Variants in CEP112 observed in about 807,000 individuals in gnomAD.
The protein encoded by CEP112 is centrosomal protein 112, also known as centrosomal protein of 112 kDa.
In CEP112, 127 loss-of-function variants were observed where a neutral mutation model predicts 153.0. The observed-to-expected ratio is 0.83, with a 90% CI of 0.72 to 0.96. CEP112 has a LOEUF of 0.96. Ranked by LOEUF, CEP112 falls within the 40% of genes least tolerant of loss-of-function variation. The pLI is 0.00. For synonymous variants in CEP112, 358 were observed against 374.4 expected, an observed-to-expected ratio of 0.96 and a Z score of 0.51; for missense variants, 1,089 against 1,101.2, an observed-to-expected ratio of 0.99 and a Z score of 0.16.
chr17:65,699,331 G>C (rs771337284), intron 23 of CEP112, among the ~76,000 whole-genome samples: 5 of 152,042 alleles, frequency 3.3e-5, no homozygotes, highest in Admixed American at 6.6e-5. Context: ...AACAGTTGGG[G>C]TACTCCCATT....
chr17:65,915,016 C>T (rs953443386), intron 19 of CEP112, among the ~76,000 whole-genome samples: 1 of 152,146 alleles, frequency 6.6e-6, no homozygotes, highest in Non-Finnish European at 1.5e-5. Context: ...AGTGGTTACT[C>T]ACTTCCTCCT....
At chr17:65,971,622 TC>T (rs1214118202) in intron 17 of CEP112, among the ~76,000 whole-genome samples, 48 of 152,214 alleles carry the variant, frequency 3.2e-4, no homozygotes, top group African/African-American at 1.0e-3. Context: ...TATATGTATA[TC>T]CCATGCATAT....
intron 4 of CEP112, among the ~76,000 whole-genome samples, chr17:66,138,848 G>A (rs2070560726): frequency 6.6e-6 from 1 of 152,074 alleles, no homozygotes; most frequent in Non-Finnish European, 1.5e-5. Flanking sequence ...CCACAAATGT[G>A]TGAAAATTAA....
chr17:66,030,091 C>A, intron 12 of CEP112, 68 bp from the exon 13 acceptor site: 1 of 1,294,008 alleles, frequency 7.7e-7, no homozygotes. Context: ...CTGTAAGAAG[C>A]TTGAGGAACA....
chr17:65,981,239 C>G (rs1002147753), intron 17 of CEP112, among the ~76,000 whole-genome samples: 6 of 152,214 alleles, frequency 3.9e-5, no homozygotes, highest in Non-Finnish European at 7.3e-5. Context: ...ATACAAGCCA[C>G]TGTGTTCAGG....
chr17:66,126,388 TAG>T (rs2069851596), intron 6 of CEP112, among the ~76,000 whole-genome samples: 1 of 152,030 alleles, frequency 6.6e-6, no homozygotes, highest in South Asian at 2.1e-4. Flanking sequence ...TGGGTACACA[TAG>T]AGTGTTTCAC....
At chr17:65,923,680 G>C (rs1177897888) in intron 19 of CEP112, among the ~76,000 whole-genome samples, 1 of 152,048 alleles carries the variant, frequency 6.6e-6, no homozygotes, top group Non-Finnish European at 1.5e-5. Context: ...AAGTAAAAAA[G>C]TTTTATTTAG....
intron 22 of CEP112, among the ~76,000 whole-genome samples, chr17:65,748,294 C>G (rs915071055): frequency 6.6e-6 from 1 of 152,118 alleles, no homozygotes; most frequent in Admixed American, 6.6e-5. Flanking sequence ...TTTGGTGTTG[C>G]GCTGTCCCTT....
intron 17 of CEP112, among the ~76,000 whole-genome samples, chr17:65,967,563 G>A (rs1214216454): frequency 6.6e-6 from 1 of 152,114 alleles, no homozygotes; most frequent in African/African-American, 2.4e-5. Flanking sequence ...AAAATAAAAT[G>A]ATGCAATATC....
intron 16 of CEP112, among the ~76,000 whole-genome samples, chr17:66,021,263 C>G (rs1266034815): frequency 6.6e-6 from 1 of 152,050 alleles, no homozygotes; most frequent in Non-Finnish European, 1.5e-5. Flanking sequence ...GGCGGCAGCA[C>G]CAGCATTAGT....
chr17:65,904,801 C>T (rs2060008413), intron 19 of CEP112, among the ~76,000 whole-genome samples: 1 of 152,112 alleles, frequency 6.6e-6, no homozygotes, highest in African/African-American at 2.4e-5. Flanking sequence ...TAATGCCACA[C>T]ATCTACAATC....
intron 21 of CEP112, chr17:65,797,180 T>G (rs920762008): frequency 6.6e-6 from 1 of 152,312 alleles, no homozygotes; most frequent in African/African-American, 2.4e-5. Context: ...CATATTCTTC[T>G]GTTCCCATTC....
intron 6 of CEP112, among the ~76,000 whole-genome samples, chr17:66,118,147 A>G (rs971424086): frequency 6.6e-6 from 1 of 152,212 alleles, no homozygotes; most frequent in Non-Finnish European, 1.5e-5. Context: ...AGATTCATCA[A>G]TCCCAATGCT....
chr17:65,814,067 T>C (rs1365127317), intron 21 of CEP112, among the ~76,000 whole-genome samples: 1 of 152,166 alleles, frequency 6.6e-6, no homozygotes, highest in Non-Finnish European at 1.5e-5. Context: ...TTTCTCATAA[T>C]AGAAAAGAGA....
intron 21 of CEP112, among the ~76,000 whole-genome samples, chr17:65,783,012 G>T (rs1338701728): frequency 6.7e-6 from 1 of 150,352 alleles, no homozygotes; most frequent in Non-Finnish European, 1.5e-5. Flanking sequence ...AGAAATATAA[G>T]ACTATGCAAA....
intron 10 of CEP112, among the ~76,000 whole-genome samples, chr17:66,065,863 T>A (rs1308557402): frequency 2.6e-5 from 4 of 152,082 alleles, no homozygotes; most frequent in African/African-American, 9.7e-5. Context: ...TCTCCTGACC[T>A]CATGATCCAC....
chr17:66,172,182 C>T lies in CEP112; in HGVS notation c.470+2862G>A, dbSNP rs548663653. 1.1e-4 allele frequency among the ~76,000 whole-genome samples: 16 copies of T among 152,246 alleles called. No homozygotes were observed. The East Asian group carries it at 2.9e-3, about 28-fold the overall frequency. ...TTACAGAATTCCTAACACGTTCCTT[C>T]CCAGTGCTAGGGGCTGGAAATATAG... On this transcript the variant is annotated intron_variant, in intron 4 of 26. Transcript: ENST00000535342.
chr17:65,897,616 C>T (rs1188066076), intron 20 of CEP112, among the ~76,000 whole-genome samples: 1 of 152,000 alleles, frequency 6.6e-6, no homozygotes, highest in Non-Finnish European at 1.5e-5. Flanking sequence ...ATTTGCTAGG[C>T]TGTGACTTAA....
At chr17:66,034,049 G>C (rs1250929115) in intron 12 of CEP112, among the ~76,000 whole-genome samples, 1 of 152,062 alleles carries the variant, frequency 6.6e-6, no homozygotes. Flanking sequence ...AATGCCGATT[G>C]CAAGACTTGA....
Sources: allele counts gnomAD v4.1 joint callset (sites outside exome capture counted in the v4.1 genomes callset), GRCh38; gene constraint gnomAD v4.1.1; transcripts MANE v1.5; gene names NCBI Gene and HGNC (gene_info 2026-07-23, HGNC 2026-07-21).